Variants in TULP4 observed in about 807,000 individuals in gnomAD.
TULP4 encodes TUB like protein 4, also known as tubby-related protein 4.
Under a neutral mutation model 129.0 loss-of-function variants are expected in TULP4, and 16 were observed. That is an observed-to-expected ratio of 0.12 (90% CI 0.08 to 0.19). TULP4 has a LOEUF of 0.19. Among genes scored for constraint, TULP4 ranks in the 10% least tolerant of loss-of-function variants. The pLI is 1.00. For missense variants in TULP4, 1,842 were observed against 2,059.1 expected, an observed-to-expected ratio of 0.89 and a Z score of 2.04; for synonymous variants, 998 against 854.0, an observed-to-expected ratio of 1.17 and a Z score of -2.94.
At chr6:158,237,869 A>T (rs924408579) in intron 1 of TULP4, 2 of 746,590 alleles carry the variant, frequency 2.7e-6, no homozygotes, top group African/African-American at 3.4e-5. Flanking sequence ...GCAAGTGAGT[A>T]AGCAGAAATA....
At chr6:158,423,122 A>C (rs11759586) in intron 2 of TULP4, among the ~76,000 whole-genome samples, 1 of 106,844 alleles carries the variant, frequency 9.4e-6, no homozygotes, top group Non-Finnish European at 2.2e-5. Flanking sequence ...CACAAAAAAG[A>C]GGGGGGGGGG....
intron 4 of TULP4, among the ~76,000 whole-genome samples, chr6:158,451,755 T>C (rs777132072): frequency 6.6e-6 from 1 of 152,244 alleles, no homozygotes; most frequent in Non-Finnish European, 1.5e-5. Context: ...ATTAAGAAAA[T>C]GTTTTTATCC....
chr6:158,305,640 G>C (rs901639521), intron 1 of TULP4, among the ~76,000 whole-genome samples: 1 of 151,120 alleles, frequency 6.6e-6, no homozygotes, highest in Non-Finnish European at 1.5e-5. Flanking sequence ...AGGAGTTCAA[G>C]GCTGCAGTGA....
chr6:158,396,991 A>T (rs2114967409), intron 1 of TULP4, among the ~76,000 whole-genome samples: 1 of 152,320 alleles, frequency 6.6e-6, no homozygotes, highest in Middle Eastern at 3.4e-3. Flanking sequence ...TGAATAGCTG[A>T]TGCAGTTATG....
intron 9 of TULP4, among the ~76,000 whole-genome samples, chr6:158,492,012 C>T (rs1223208128): frequency 6.6e-6 from 1 of 151,790 alleles, no homozygotes; most frequent in Non-Finnish European, 1.5e-5. Flanking sequence ...GCAAGCGCCA[C>T]CACGCCCGGC....
At chr6:158,264,388 T>C (rs1778411379) in intron 1 of TULP4, among the ~76,000 whole-genome samples, 1 of 152,226 alleles carries the variant, frequency 6.6e-6, no homozygotes, top group Non-Finnish European at 1.5e-5. Context: ...TTTGTCATCT[T>C]CATACCAAAA....
At chr6:158,461,407 G>A (rs1174337843) in intron 5 of TULP4, among the ~76,000 whole-genome samples, 156 bp from the exon 6 acceptor site, 6 of 127,902 alleles carry the variant, frequency 4.7e-5, no homozygotes, top group Admixed American at 1.5e-4. Flanking sequence ...GTGAAACTCC[G>A]TCTCAAAAAA....
chr6:158,454,804 T>C (rs1339002139), intron 5 of TULP4, among the ~76,000 whole-genome samples: 2 of 151,772 alleles, frequency 1.3e-5, no homozygotes, highest in East Asian at 2.0e-4. Flanking sequence ...TGGGGTTTCA[T>C]CGTATTGGTC....
chr6:158,398,537 C>T (rs184688779), intron 1 of TULP4: 2 of 152,436 alleles, frequency 1.3e-5, no homozygotes, highest in Admixed American at 6.5e-5. Flanking sequence ...TGAAGGCCTC[C>T]ACCTCACGAT....
chr6:158,502,494 A>C lies in TULP4; in HGVS notation c.2831A>C (p.Asn944Thr), dbSNP rs139107383. 22 of 1,612,376 alleles carry C rather than the reference A, an allele frequency of 1.4e-5. No homozygotes were observed. The African/African-American group carries it at 2.7e-4, about 20-fold the overall frequency. The change falls in exon 13 of 14, where the codon AAC becomes ACC. Residue 944 changes from asparagine (N) to threonine (T), a missense_variant. Asn to Thr is a moderately conservative substitution (Grantham distance 65). Transcript: ENST00000367097. ...VPQPCSSATLNRLTVPRYSIP... is the reference protein window; with the variant it reads ...VPQPCSSATLTRLTVPRYSIP... The stretch of plus-strand genomic sequence containing the variant: ...CAGCCCTGCAGCAGTGCCACCCTGA[A>C]CCGCCTGACCGTCCCTCGCTACTCC...
At chr6:158,252,966 T>C (rs1253240596) in intron 1 of TULP4, among the ~76,000 whole-genome samples, 1 of 152,230 alleles carries the variant, frequency 6.6e-6, no homozygotes, top group Non-Finnish European at 1.5e-5. Flanking sequence ...GAAAATAATC[T>C]TAGGCATTGG....
rs762507787 is a variant in TULP4 at position 158,503,588 on chromosome 6, G to A, written c.3925G>A (p.Val1309Ile). 4 of 1,613,992 alleles carry A rather than the reference G, an allele frequency of 2.5e-6. No homozygotes were observed. The highest frequency in any genetic ancestry group is 2.2e-5 in the East Asian group (1 of 44,878). ...AAGCCACTTGGGCACAGAGGTGATGGTAGAGACTGCAGACAACTTCCAGGA... is the reference window on the plus strand; with the variant it reads ...AAGCCACTTGGGCACAGAGGTGATGATAGAGACTGCAGACAACTTCCAGGA... ...LQSHLGTEVMVETADNFQEVL... is the reference protein window; with the variant it reads ...LQSHLGTEVMIETADNFQEVL... The change falls in exon 13 of 14, where the codon GTA (valine) becomes ATA (isoleucine). Residue 1309 changes from valine (V) to isoleucine (I), a missense_variant. Around this residue, in one of 5 missense-constraint regions of TULP4, gnomAD observed 1,089 missense variants for 987.1 expected, o/e 1.10. Transcript: ENST00000367097. This position sits in a 1 kb window ranked among gnomAD's most constrained non-coding sequence, Gnocchi z 4.3.
At chr6:158,353,450 A>C (rs1780574045) in intron 1 of TULP4, among the ~76,000 whole-genome samples, 1 of 152,218 alleles carries the variant, frequency 6.6e-6, no homozygotes, top group Non-Finnish European at 1.5e-5. Context: ...GTAGCTATGT[A>C]TAATTTTTTG....
chr6:158,301,526 A>G (rs990595630), intron 1 of TULP4, among the ~76,000 whole-genome samples: 1 of 152,192 alleles, frequency 6.6e-6, no homozygotes, highest in Non-Finnish European at 1.5e-5. Flanking sequence ...TTAAATTCGG[A>G]TCAAATCTGG....
intron 6 of TULP4, among the ~76,000 whole-genome samples, chr6:158,474,541 C>T (rs1013829883): frequency 6.6e-6 from 1 of 152,182 alleles, no homozygotes; most frequent in African/African-American, 2.4e-5. Context: ...CTCAAACCAC[C>T]TCCAGGGCAG....
chr6:158,235,955 G>A (rs1404830781), intron 1 of TULP4, among the ~76,000 whole-genome samples: 1 of 152,214 alleles, frequency 6.6e-6, no homozygotes, highest in African/African-American at 2.4e-5. Context: ...AAACCAGTAC[G>A]TGTGTTAAAT....
intron 1 of TULP4, among the ~76,000 whole-genome samples, chr6:158,390,524 A>G (rs945008404): frequency 6.6e-6 from 1 of 152,232 alleles, no homozygotes; most frequent in South Asian, 2.1e-4. Flanking sequence ...ATTTGTAACT[A>G]GAAGTATTTT....
chr6:158,420,744 AAAG>A (rs1778321556), intron 2 of TULP4, among the ~76,000 whole-genome samples: 1 of 152,028 alleles, frequency 6.6e-6, no homozygotes, highest in Non-Finnish European at 1.5e-5. Context: ...ACATCCTCCC[AAAG>A]TGCTGGGACT....
chr6:158,461,155 T>C (rs1411115387), intron 5 of TULP4, among the ~76,000 whole-genome samples: 4 of 152,240 alleles, frequency 2.6e-5, no homozygotes, highest in Admixed American at 2.6e-4. Flanking sequence ...CTCACGCCTG[T>C]AATCCCAGCA....
Sources: gnomAD v4.1 joint callset for allele counts (sites outside exome capture counted in the v4.1 genomes callset) on GRCh38, gnomAD v4.1.1 for gene constraint, gnomAD v4.1.1 regional missense constraint, Gnocchi (gnomAD v3.1) non-coding constraint, MANE v1.5 for transcripts, NCBI Gene and HGNC (gene_info 2026-07-23, HGNC 2026-07-21) for gene names.